HS6ST3: variants seen among roughly 807,000 people sequenced by gnomAD.
HS6ST3 encodes heparan-sulfate 6-O-sulfotransferase 3.
Under a neutral mutation model 36.7 loss-of-function variants are expected in HS6ST3, and 12 were observed. That is an observed-to-expected ratio of 0.33 (90% CI 0.21 to 0.53). HS6ST3 has a LOEUF of 0.53. Among genes scored for constraint, HS6ST3 ranks in the 20% least tolerant of loss-of-function variants. The pLI is 0.95. For synonymous variants in HS6ST3, 240 were observed against 257.5 expected, an observed-to-expected ratio of 0.93 and a Z score of 0.65; for missense variants, 584 against 640.9, an observed-to-expected ratio of 0.91 and a Z score of 0.96.
chr13:96,406,117 A>G (rs2055477030), intron 1 of HS6ST3, among the ~76,000 whole-genome samples: 1 of 152,232 alleles, frequency 6.6e-6, no homozygotes, highest in African/African-American at 2.4e-5. Flanking sequence ...TGAAATTAAA[A>G]TGTTGTATGT....
intron 1 of HS6ST3, among the ~76,000 whole-genome samples, chr13:96,363,149 C>A (rs932455788): frequency 6.6e-6 from 1 of 151,832 alleles, no homozygotes; most frequent in African/African-American, 2.4e-5. Flanking sequence ...TCACACACAC[C>A]ACACACACAC....
chr13:96,713,501 T>C (rs1005557004), intron 1 of HS6ST3, among the ~76,000 whole-genome samples: 1 of 152,202 alleles, frequency 6.6e-6, no homozygotes, highest in Non-Finnish European at 1.5e-5. Context: ...TCTCCAAGAA[T>C]AGATTCTGAA....
chr13:96,506,657 A>C (rs751061698), intron 1 of HS6ST3, among the ~76,000 whole-genome samples: 12 of 152,154 alleles, frequency 7.9e-5, no homozygotes, highest in Non-Finnish European at 1.6e-4. Context: ...TGTGAAACTG[A>C]TTACATTGGT....
chr13:96,604,722 T>C (rs1290924471), intron 1 of HS6ST3, among the ~76,000 whole-genome samples: 1 of 152,222 alleles, frequency 6.6e-6, no homozygotes, highest in Non-Finnish European at 1.5e-5. Flanking sequence ...TGTGTGTACA[T>C]GCACATGCAC....
intron 1 of HS6ST3, among the ~76,000 whole-genome samples, chr13:96,107,011 T>C (rs1029799543): frequency 2.6e-5 from 4 of 152,196 alleles, no homozygotes; most frequent in Non-Finnish European, 5.9e-5. Context: ...AATTACACAA[T>C]TGGGTTTAAC....
At chr13:96,519,415 C>A (rs190255012) in intron 1 of HS6ST3, among the ~76,000 whole-genome samples, 1 of 152,102 alleles carries the variant, frequency 6.6e-6, no homozygotes, top group South Asian at 2.1e-4. Flanking sequence ...TTTGAATGAC[C>A]GTATCTAAAC....
At chr13:96,710,632 G>A (rs190434999) in intron 1 of HS6ST3, among the ~76,000 whole-genome samples, 2 of 152,226 alleles carry the variant, frequency 1.3e-5, no homozygotes, top group Non-Finnish European at 2.9e-5. Context: ...TGATTGCACT[G>A]TCTTGGGTCC....
At chr13:96,322,281 G>A (rs1045719600) in intron 1 of HS6ST3, among the ~76,000 whole-genome samples, 10 of 151,304 alleles carry the variant, frequency 6.6e-5, no homozygotes, top group Admixed American at 1.3e-4. Flanking sequence ...GCTGTGGCTC[G>A]TGCCTGTATT....
intron 1 of HS6ST3, among the ~76,000 whole-genome samples, chr13:96,760,303 G>T (rs1876933150): frequency 2.0e-5 from 3 of 151,944 alleles, no homozygotes; most frequent in South Asian, 4.2e-4. Context: ...TTATAATTAT[G>T]ATTTTTATTT....
intron 1 of HS6ST3, among the ~76,000 whole-genome samples, chr13:96,094,048 G>A (rs1049175068): frequency 9.2e-5 from 14 of 152,132 alleles, no homozygotes; most frequent in African/African-American, 3.4e-4. Context: ...TTCACTCAGA[G>A]ATCAATGCCC....
chr13:96,253,670 A>G (rs989457443), intron 1 of HS6ST3, among the ~76,000 whole-genome samples: 3 of 152,030 alleles, frequency 2.0e-5, no homozygotes, highest in Non-Finnish European at 4.4e-5. Context: ...TTTCACTCAA[A>G]ATTCCTTTCC....
intron 1 of HS6ST3, among the ~76,000 whole-genome samples, chr13:96,554,174 A>G (rs1300542195): frequency 6.6e-6 from 1 of 152,204 alleles, no homozygotes; most frequent in Non-Finnish European, 1.5e-5. Context: ...TGGCTTTCAT[A>G]TTAATTTAAG....
chr13:96,505,161 A>G (rs2056021282), intron 1 of HS6ST3, among the ~76,000 whole-genome samples: 2 of 152,182 alleles, frequency 1.3e-5, no homozygotes, highest in East Asian at 3.8e-4. Flanking sequence ...ATTCCTTTGT[A>G]ATTGCTGCTT....
intron 1 of HS6ST3, among the ~76,000 whole-genome samples, chr13:96,545,218 T>G (rs1383890351): frequency 6.6e-6 from 1 of 152,188 alleles, no homozygotes; most frequent in Admixed American, 6.6e-5. Context: ...CTGCTACTTA[T>G]CTGGATCGTA....
intron 1 of HS6ST3, among the ~76,000 whole-genome samples, chr13:96,702,172 G>A (rs962542801): frequency 5.3e-5 from 8 of 152,264 alleles, no homozygotes; most frequent in Middle Eastern, 3.4e-3. Context: ...TTGGGTTATG[G>A]TTTCATTTTA....
At chr13:96,294,332 A>G (rs2054844371) in intron 1 of HS6ST3, among the ~76,000 whole-genome samples, 1 of 152,170 alleles carries the variant, frequency 6.6e-6, no homozygotes, top group Admixed American at 6.6e-5. Context: ...AAGTCTATAC[A>G]CTTATATTCC....
At chr13:96,577,259 T>C (rs912864793) in intron 1 of HS6ST3, among the ~76,000 whole-genome samples, 1 of 152,186 alleles carries the variant, frequency 6.6e-6, no homozygotes, top group Non-Finnish European at 1.5e-5. Flanking sequence ...AGTGAGAACA[T>C]ACAGTGTTTG....
chr13:96,384,487 G>C (rs1566344857), intron 1 of HS6ST3, among the ~76,000 whole-genome samples: 2 of 152,030 alleles, frequency 1.3e-5, no homozygotes, highest in East Asian at 1.9e-4. Context: ...GCCAATGAGA[G>C]TTTTTTTCTA....
chr13:96,656,953 TTTTGTG>T, intron 1 of HS6ST3, among the ~76,000 whole-genome samples: 1 of 139,634 alleles, frequency 7.2e-6, no homozygotes, highest in Non-Finnish European at 1.5e-5. Context: ...CTGGCTTTTC[TTTTGTG>T]TGTGTGTGTG....
Sources: gnomAD v4.1 joint callset for allele counts (sites outside exome capture counted in the v4.1 genomes callset) on GRCh38, gnomAD v4.1.1 for gene constraint, MANE v1.5 for transcripts, NCBI Gene and HGNC (gene_info 2026-07-23, HGNC 2026-07-21) for gene names.